The following MYO1E variants were observed in gnomAD, a reference collection of about 807,000 sequenced individuals.
MYO1E encodes the protein myosin IE, also known as unconventional myosin-Ie.
A neutral mutation model predicts 151.1 loss-of-function variants in MYO1E; 68 were observed. The observed-to-expected ratio is 0.45, with a 90% CI of 0.37 to 0.55. The LOEUF (loss-of-function observed/expected upper bound fraction) is 0.55, where lower values mean the gene tolerates loss of function less well. MYO1E is among the 20% of genes least tolerant of loss of function. The pLI is 0.00. For synonymous variants in MYO1E, 601 were observed against 501.7 expected (o/e 1.20, Z -2.64); for missense variants, 1,363 against 1,389.3 (o/e 0.98, Z 0.30).
chr15:59,338,154 C>G (rs979692350), intron 1 of MYO1E, among the ~76,000 whole-genome samples: 3 of 130,336 alleles, frequency 2.3e-5, no homozygotes. Context: ...AAAAAGTGTT[C>G]AAGTCTAAAA....
intron 26 of MYO1E, among the ~76,000 whole-genome samples, chr15:59,144,838 A>G: frequency 6.6e-6 from 1 of 151,540 alleles, no homozygotes; most frequent in Non-Finnish European, 1.5e-5. Flanking sequence ...ATGAGAAGAA[A>G]GAATGACTTT....
At chr15:59,360,324 T>G (rs2080878058) in intron 1 of MYO1E, among the ~76,000 whole-genome samples, 1 of 152,092 alleles carries the variant, frequency 6.6e-6, no homozygotes, top group Non-Finnish European at 1.5e-5. Context: ...GAGAACCATC[T>G]TACAGTCCAA....
chr15:59,362,507 A>C (rs1333893721), intron 1 of MYO1E, among the ~76,000 whole-genome samples: 1 of 152,208 alleles, frequency 6.6e-6, no homozygotes, highest in Non-Finnish European at 1.5e-5. Context: ...AATGTTAGGA[A>C]TCTCTGATAA....
At chr15:59,287,671 T>TC (rs1470065495) in intron 1 of MYO1E, among the ~76,000 whole-genome samples, 1 of 152,196 alleles carries the variant, frequency 6.6e-6, no homozygotes, top group Non-Finnish European at 1.5e-5. Context: ...AGTCTGCATG[T>TC]TTTTCCCATG....
chr15:59,173,179 T>C (rs1335906115), intron 21 of MYO1E, among the ~76,000 whole-genome samples: 1 of 152,240 alleles, frequency 6.6e-6, no homozygotes, highest in Non-Finnish European at 1.5e-5. Context: ...GCAATATTAC[T>C]TGATACTCTG....
At chr15:59,237,595 A>C (rs1485321537) in intron 4 of MYO1E, among the ~76,000 whole-genome samples, 1 of 152,234 alleles carries the variant, frequency 6.6e-6, no homozygotes, top group East Asian at 1.9e-4. Flanking sequence ...GGTGGGAGTT[A>C]GTATGAAAAA....
intron 4 of MYO1E, among the ~76,000 whole-genome samples, chr15:59,241,123 T>C (rs771102606): frequency 6.6e-6 from 1 of 152,192 alleles, no homozygotes; most frequent in Non-Finnish European, 1.5e-5. Flanking sequence ...CGTGTGTGTA[T>C]GTGTACTTGT....
intron 1 of MYO1E, among the ~76,000 whole-genome samples, chr15:59,317,377 T>C (rs1253929267): frequency 6.6e-6 from 1 of 152,198 alleles, no homozygotes; most frequent in East Asian, 1.9e-4. Flanking sequence ...CTAAGTAGAA[T>C]TTAATCTGGC....
In MYO1E at chr15:59,238,269, T is replaced by C. The variant is rs1041183298; in HGVS notation, c.333-1597A>G. 6.6e-5 allele frequency among the ~76,000 whole-genome samples: 10 copies of C among 152,192 alleles called. No homozygotes were observed. In the East Asian group the frequency reaches 7.7e-4, roughly 12 times the overall value. On this transcript the variant is annotated intron_variant, in intron 4 of 27. Coordinates refer to ENST00000288235, the MANE Select transcript of MYO1E (RefSeq NM_004998.4). The stretch of plus-strand genomic sequence containing the variant: ...CAGGGTCAACACACACACTCTCTCA[T>C]TGGAATTACACGGTTTGGCAACAAT...
At chr15:59,199,917 C>T (rs1307814665) in intron 16 of MYO1E, among the ~76,000 whole-genome samples, 1 of 152,156 alleles carries the variant, frequency 6.6e-6, no homozygotes, top group East Asian at 1.9e-4. Flanking sequence ...TACGTGGAGG[C>T]AGACAGCCAG....
chr15:59,218,227 G>C (rs769144304), intron 9 of MYO1E, 140 bp from the exon 10 acceptor site: 7 of 961,754 alleles, frequency 7.3e-6, no homozygotes, highest in Non-Finnish European at 1.1e-5. Context: ...AAGAGCTTAC[G>C]TTCTAGTGAA....
intron 1 of MYO1E, among the ~76,000 whole-genome samples, chr15:59,294,374 C>A (rs1778710317): frequency 6.6e-6 from 1 of 152,140 alleles, no homozygotes; most frequent in South Asian, 2.1e-4. Flanking sequence ...TGATAAATCA[C>A]CTCTTATCTG....
At chr15:59,366,495 C>T (rs1392220236) in intron 1 of MYO1E, among the ~76,000 whole-genome samples, 4 of 151,740 alleles carry the variant, frequency 2.6e-5, no homozygotes, top group Admixed American at 2.0e-4. Context: ...ACGACCACAC[C>T]CGGCAAAAAA....
rs2140296238 is a variant in MYO1E, at chr15:59,134,592, C to G, written c.*2788G>C. 6.6e-6 allele frequency: 1 copy of G among 152,364 alleles called. No homozygotes were observed. Among genetic ancestry groups the G allele is most frequent in the Non-Finnish European group, 1.5e-5 (1 of 68,044 alleles). The allele number at this position is 152,364 out of a possible 1,614,324, so 9.4% of individuals were successfully genotyped here. A position where few individuals can be genotyped will look rare whatever the true frequency, so the allele number is the denominator to read the frequency against. ...TTCTACAACTAAAGCTTGAACACCT[C>G]TACCCTAGGGTACACAGTCAGGCCT... On this transcript the variant is annotated 3_prime_UTR_variant, in exon 28 of 28. Coordinates refer to ENST00000288235, the MANE Select transcript of MYO1E (RefSeq NM_004998.4).
intron 1 of MYO1E, among the ~76,000 whole-genome samples, chr15:59,301,066 C>T (rs1255188906): frequency 1.3e-5 from 2 of 151,948 alleles, no homozygotes. Context: ...TGGTGCTTCA[C>T]CATGTTGGCC....
At chr15:59,170,358 C>T (rs1486534242) in intron 22 of MYO1E, among the ~76,000 whole-genome samples, 3 of 152,218 alleles carry the variant, frequency 2.0e-5, no homozygotes, top group Non-Finnish European at 4.4e-5. Context: ...CTTTCACCTG[C>T]TGTGCCTGCC....
At chr15:59,212,692 C>T (rs1861549426) in intron 12 of MYO1E, 1 of 152,108 alleles carries the variant, frequency 6.6e-6, no homozygotes, top group South Asian at 2.1e-4. Flanking sequence ...ACTGTATTTC[C>T]AGTCATCATG....
chr15:59,224,687 A>C lies in MYO1E; in HGVS notation c.777+2T>G, dbSNP rs1596373931. On this transcript the variant is annotated splice_donor_variant, in intron 8 of 27. Transcript: ENST00000288235. LOFTEE classifies it high-confidence loss of function. ...CCTGCCTGGCCCTGCGCCAGCACTT[A>C]CCAGAGTTTCCTGAAACTCCCGCCT... 1 of 1,614,154 alleles carries C rather than the reference A, an allele frequency of 6.2e-7. No homozygotes were observed. Among genetic ancestry groups the C allele is most frequent in the Non-Finnish European group, 8.5e-7 (1 of 1,180,014 alleles).
At chr15:59,211,262 G>C (rs2079877258) in intron 12 of MYO1E, among the ~76,000 whole-genome samples, 1 of 151,890 alleles carries the variant, frequency 6.6e-6, no homozygotes, top group Non-Finnish European at 1.5e-5. Flanking sequence ...GTACTTAATG[G>C]GAAGGTTCTT....
Sources: gnomAD v4.1 joint callset for allele counts (sites outside exome capture counted in the v4.1 genomes callset) on GRCh38, gnomAD v4.1.1 for gene constraint, MANE v1.5 for transcripts, NCBI Gene and HGNC (gene_info 2026-07-23, HGNC 2026-07-21) for gene names.